Variants in PTPRD observed in about 807,000 individuals in gnomAD.
PTPRD encodes the protein protein tyrosine phosphatase receptor type D.
In PTPRD, 34 loss-of-function variants were observed where a neutral mutation model predicts 214.5. That is an observed-to-expected ratio of 0.16 (90% CI 0.12 to 0.21). The LOEUF (loss-of-function observed/expected upper bound fraction) is 0.21, where lower values mean the gene tolerates loss of function less well. Ranked by LOEUF, PTPRD falls within the 10% of genes least tolerant of loss-of-function variation. The pLI, the probability that PTPRD is intolerant of heterozygous loss-of-function variation, is 1.00. For missense variants in PTPRD, 2,545 were observed against 2,398.7 expected (o/e 1.06, Z -1.27); for synonymous variants, 1,128 against 845.7 (o/e 1.33, Z -5.79).
intron 6 of PTPRD, among the ~76,000 whole-genome samples, chr9:9,742,381 C>T (rs145340102): frequency 5.3e-5 from 8 of 152,094 alleles, no homozygotes; most frequent in African/African-American, 4.8e-5. Flanking sequence ...TTTCACCTTT[C>T]GTAGAGAAAT....
chr9:9,741,324 G>A (rs1746810), intron 6 of PTPRD, among the ~76,000 whole-genome samples: 75,558 of 151,956 alleles, frequency 0.5, 22,475 homozygotes, highest in African/African-American at 0.83. Context: ...ACCAATAATA[G>A]ATACACAGGC....
At chr9:10,566,630 G>A (rs1248892799) in intron 2 of PTPRD, among the ~76,000 whole-genome samples, 3 of 151,934 alleles carry the variant, frequency 2.0e-5, no homozygotes, top group Non-Finnish European at 1.5e-5. Context: ...TTCTCATTCA[G>A]TGTCTTTTCT....
intron 11 of PTPRD, among the ~76,000 whole-genome samples, chr9:8,999,363 G>A (rs1366125649): frequency 6.6e-6 from 1 of 152,054 alleles, no homozygotes; most frequent in Non-Finnish European, 1.5e-5. Context: ...GCAGTCATAA[G>A]CATGGAGGAA....
intron 14 of PTPRD, among the ~76,000 whole-genome samples, chr9:8,587,817 A>C (rs1446842873): frequency 1.3e-5 from 2 of 152,256 alleles, no homozygotes; most frequent in Admixed American, 1.3e-4. Context: ...AGATCCATAA[A>C]TATAAATCCC....
At position 8,412,709 on chromosome 9, in the gene PTPRD, G is replaced by A. The variant is rs538818894; in HGVS notation, c.4087-8049C>T. ...TATCTGCATTCTCCTTGATGCTAAC[G>A]GTGCCTTTTTTGATACTGAAGTATA... On this transcript the variant is annotated intron_variant, in intron 35 of 45. Transcript: ENST00000381196. 7.2e-5 allele frequency among the ~76,000 whole-genome samples: 11 copies of A among 152,152 alleles called. No homozygotes were observed. In the East Asian group the frequency reaches 7.7e-4, roughly 11 times the overall value.
At chr9:9,268,193 A>G (rs1344959843) in intron 9 of PTPRD, among the ~76,000 whole-genome samples, 1 of 151,258 alleles carries the variant, frequency 6.6e-6, no homozygotes, top group Non-Finnish European at 1.5e-5. Context: ...AGCACGAAAA[A>G]GTCAGCTTTG....
chr9:9,420,105 C>A, intron 8 of PTPRD, among the ~76,000 whole-genome samples: 1 of 36,628 alleles, frequency 2.7e-5, no homozygotes, highest in African/African-American at 9.6e-5. Flanking sequence ...GACTACCAGA[C>A]ACTATAATAT....
At chr9:10,592,881 G>T (rs913975648) in intron 2 of PTPRD, among the ~76,000 whole-genome samples, 3 of 151,902 alleles carry the variant, frequency 2.0e-5, no homozygotes, top group Non-Finnish European at 4.4e-5. Flanking sequence ...GGAAATAAAA[G>T]CTGGCCACGC....
chr9:10,352,354 C>T (rs2097197620), intron 2 of PTPRD, among the ~76,000 whole-genome samples: 1 of 151,998 alleles, frequency 6.6e-6, no homozygotes. Flanking sequence ...TTCAATTGGG[C>T]AGATTCTTAT....
chr9:9,614,819 T>TG (rs1251443451), intron 7 of PTPRD, among the ~76,000 whole-genome samples: 1 of 152,126 alleles, frequency 6.6e-6, no homozygotes, highest in East Asian at 1.9e-4. Flanking sequence ...ATTTTTGTGG[T>TG]GGGGTGATTT....
intron 2 of PTPRD, among the ~76,000 whole-genome samples, chr9:10,506,525 G>A (rs952495799): frequency 6.6e-6 from 1 of 151,920 alleles, no homozygotes; most frequent in Non-Finnish European, 1.5e-5. Flanking sequence ...GAGGTGATTG[G>A]TACCCCACTT....
At chr9:8,489,897 C>T (rs987471335) in intron 27 of PTPRD, among the ~76,000 whole-genome samples, 1 of 152,186 alleles carries the variant, frequency 6.6e-6, no homozygotes, top group Non-Finnish European at 1.5e-5. Flanking sequence ...CACTGGCACA[C>T]AGGTAGTTGA....
In PTPRD at chr9:8,517,336, C is replaced by T. The variant is rs374568722; in HGVS notation, c.1543+512G>A. On this transcript the variant is annotated intron_variant, in intron 21 of 45. Coordinates refer to ENST00000381196, the MANE Select transcript of PTPRD (RefSeq NM_002839.4). The stretch of plus-strand genomic sequence containing the variant: ...CTCGGTAACTGTCTCTCTTTATCCA[C>T]TGAGGCCATACAGAGAAAAACAGAA... 1.1e-4 allele frequency among the ~76,000 whole-genome samples: 16 copies of T among 152,270 alleles called. 1 individual carries two copies. The South Asian group carries it at 3.3e-3, about 32-fold the overall frequency.
chr9:9,164,357 G>A (rs969706177), intron 10 of PTPRD, among the ~76,000 whole-genome samples: 2 of 151,920 alleles, frequency 1.3e-5, no homozygotes, highest in Non-Finnish European at 2.9e-5. Flanking sequence ...TTCCCACATT[G>A]ATTTTCTGCC....
At chr9:9,786,337 A>T (rs1419317472) in intron 5 of PTPRD, among the ~76,000 whole-genome samples, 2 of 152,232 alleles carry the variant, frequency 1.3e-5, no homozygotes, top group Admixed American at 1.3e-4. Flanking sequence ...CATGCATTTC[A>T]TGGTTATATT....
At chr9:10,265,848 T>C (rs1043166923) in intron 3 of PTPRD, among the ~76,000 whole-genome samples, 4 of 152,210 alleles carry the variant, frequency 2.6e-5, no homozygotes, top group African/African-American at 9.6e-5. Context: ...TTATTAAAAT[T>C]CTGTCATTAG....
chr9:9,461,931 T>A (rs2093695212), intron 8 of PTPRD, among the ~76,000 whole-genome samples: 1 of 152,164 alleles, frequency 6.6e-6, no homozygotes, highest in Non-Finnish European at 1.5e-5. Flanking sequence ...ATATTTAAAT[T>A]GGGACTTCTA....
At chr9:10,014,103 C>T (rs749689844) in intron 4 of PTPRD, among the ~76,000 whole-genome samples, 27 of 151,912 alleles carry the variant, frequency 1.8e-4, no homozygotes, top group Non-Finnish European at 7.4e-5. Context: ...AAAATGGTAT[C>T]GTAAAAGACT....
chr9:9,989,848 C>T (rs1465860839), intron 4 of PTPRD, among the ~76,000 whole-genome samples: 2 of 152,206 alleles, frequency 1.3e-5, no homozygotes, highest in African/African-American at 4.8e-5. Flanking sequence ...AAGTTGCTTG[C>T]CCCAGCTCCT....
Sources: gnomAD v4.1 joint callset for allele counts (sites outside exome capture counted in the v4.1 genomes callset) on GRCh38, gnomAD v4.1.1 for gene constraint, MANE v1.5 for transcripts, NCBI Gene and HGNC (gene_info 2026-07-23, HGNC 2026-07-21) for gene names.